GARRE1: variants seen among roughly 807,000 people sequenced by gnomAD.
GARRE1 encodes the protein granule associated Rac and RHOG effector 1.
GARRE1 carries 49 observed loss-of-function variants against 103.2 expected under a neutral mutation model. That is an observed-to-expected ratio of 0.47 (90% confidence interval 0.38 to 0.60). GARRE1 has a LOEUF of 0.60. Among genes scored for constraint, GARRE1 ranks in the 20% least tolerant of loss-of-function variants. The pLI is 0.00. For synonymous variants in GARRE1, 505 were observed against 532.8 expected, an observed-to-expected ratio of 0.95 and a Z score of 0.72; for missense variants, 1,199 against 1,370.5, an observed-to-expected ratio of 0.87 and a Z score of 1.98.
chr19:34,338,568 T>G (rs976493635), intron 8 of GARRE1, among the ~76,000 whole-genome samples: 3 of 152,050 alleles, frequency 2.0e-5, no homozygotes, highest in Non-Finnish European at 4.4e-5. Flanking sequence ...TTGGTGTAGG[T>G]ACCCTGAATG....
intron 1 of GARRE1, among the ~76,000 whole-genome samples, chr19:34,274,432 A>T (rs992075229): frequency 7.9e-5 from 12 of 152,300 alleles, no homozygotes; most frequent in African/African-American, 2.9e-4. Context: ...TAAGACTGTG[A>T]TTAATTGGAT....
intron 1 of GARRE1, among the ~76,000 whole-genome samples, chr19:34,286,570 G>A (rs1339097912): frequency 2.9e-5 from 4 of 139,084 alleles, no homozygotes; most frequent in African/African-American, 8.2e-5. Context: ...TGGCTCTGTC[G>A]CCCAGGCTGG....
At chr19:34,327,727 A>T in intron 4 of GARRE1, 44 bp from the exon 5 acceptor site, 1 of 1,558,820 alleles carries the variant, frequency 6.4e-7, no homozygotes, top group Non-Finnish European at 8.8e-7. Context: ...GTCATCTTAT[A>T]ATTTGCTTTA....
rs536123446 is a variant in GARRE1 at position 34,355,411 on chromosome 19, T to C, written c.*2456T>C. On this transcript the variant is annotated 3_prime_UTR_variant, in exon 14 of 14. Transcript: ENST00000299505. The stretch of plus-strand genomic sequence containing the variant: ...GTGCATGTGTGAACGTGTGTGTCCT[T>C]TGCATGGTTGGGCGTGGGTGCCTTG... 6.5e-6 allele frequency: 1 copy of C among 152,786 alleles called. No individual in the cohort carries two copies. The highest frequency in any genetic ancestry group is 2.1e-4 in the South Asian group (1 of 4,826). The allele number at this position is 152,786 out of a possible 1,614,324, so 9.5% of individuals were successfully genotyped here.
intron 3 of GARRE1, among the ~76,000 whole-genome samples, chr19:34,325,217 C>G (rs1310275703): frequency 6.6e-6 from 1 of 152,166 alleles, no homozygotes; most frequent in Non-Finnish European, 1.5e-5. Flanking sequence ...TCTCCAGGCT[C>G]AGTTCTAGCT....
intron 1 of GARRE1, among the ~76,000 whole-genome samples, chr19:34,288,749 G>T (rs1023234069): frequency 6.6e-6 from 1 of 152,204 alleles, no homozygotes. Context: ...CTTTTTCTGT[G>T]CTAGGGCAAC....
chr19:34,316,163 T>C (rs2145256380), intron 2 of GARRE1, among the ~76,000 whole-genome samples: 1 of 152,306 alleles, frequency 6.6e-6, no homozygotes, highest in East Asian at 1.9e-4. Context: ...TAAACTTCAG[T>C]GTTATCATCC....
chr19:34,321,516 A>G (rs1267590892), intron 3 of GARRE1, among the ~76,000 whole-genome samples: 1 of 150,498 alleles, frequency 6.6e-6, no homozygotes, highest in African/African-American at 2.4e-5. Flanking sequence ...GTGCAGTGGC[A>G]CGATCTTGGC....
intron 1 of GARRE1, among the ~76,000 whole-genome samples, chr19:34,295,433 A>C (rs1245758333): frequency 6.6e-6 from 1 of 151,944 alleles, no homozygotes; most frequent in African/African-American, 2.4e-5. Flanking sequence ...TTGGTCAGGG[A>C]AAGTCCTTAT....
chr19:34,280,859 A>G (rs2145222085), intron 1 of GARRE1, among the ~76,000 whole-genome samples: 1 of 151,996 alleles, frequency 6.6e-6, no homozygotes, highest in African/African-American at 2.4e-5. Context: ...CATTTCTTTA[A>G]CTAGTTCTGA....
chr19:34,310,803 C>T (rs866935811), intron 2 of GARRE1, among the ~76,000 whole-genome samples: 25 of 152,260 alleles, frequency 1.6e-4, no homozygotes, highest in East Asian at 7.7e-4. Flanking sequence ...CTCCTCTCCC[C>T]GCACCCAGCT....
intron 1 of GARRE1, among the ~76,000 whole-genome samples, chr19:34,280,129 G>A (rs895026364): frequency 5.3e-5 from 8 of 152,090 alleles, no homozygotes; most frequent in African/African-American, 1.4e-4. Context: ...AGCCAGGACC[G>A]AGAGAGAGAA....
At chr19:34,285,945 C>T (rs1386219681) in intron 1 of GARRE1, among the ~76,000 whole-genome samples, 2 of 152,160 alleles carry the variant, frequency 1.3e-5, no homozygotes, top group African/African-American at 4.8e-5. Flanking sequence ...GAACCCCAGG[C>T]GTGACTGTGA....
intron 1 of GARRE1, among the ~76,000 whole-genome samples, chr19:34,261,511 A>T (rs1047136371): frequency 6.6e-6 from 1 of 152,132 alleles, no homozygotes; most frequent in African/African-American, 2.4e-5. Flanking sequence ...AATGACAGAT[A>T]AGCTCTTCCT....
chr19:34,327,411 T>C lies in GARRE1; in HGVS notation c.706-10T>C, dbSNP rs2074116648. 1.2e-6 allele frequency: 2 copies of C among 1,613,872 alleles called. No individual in the cohort carries two copies. Among genetic ancestry groups the C allele is most frequent in the Non-Finnish European group, 1.7e-6 (2 of 1,179,854 alleles). On this transcript the variant is annotated splice_polypyrimidine_tract_variant and intron_variant, in intron 3 of 13. Transcript: ENST00000299505. ...CCTCTTTTACCTACCAGTTACTATA[T>C]ATGTTACAGGCGACATCTAGACTAA...
At chr19:34,305,988 C>T (rs1038877527) in intron 2 of GARRE1, among the ~76,000 whole-genome samples, 9 of 152,182 alleles carry the variant, frequency 5.9e-5, no homozygotes, top group Non-Finnish European at 1.5e-5. Context: ...GATTGCCAAG[C>T]ATAGGCCCGC....
At chr19:34,257,981 C>T (rs2073685765) in intron 1 of GARRE1, among the ~76,000 whole-genome samples, 1 of 151,170 alleles carries the variant, frequency 6.6e-6, no homozygotes, top group African/African-American at 2.4e-5. Context: ...CCTCTGGCTC[C>T]AGGGTTCAAA....
chr19:34,342,542 C>T, intron 10 of GARRE1, 87 bp downstream of exon 10: 1 of 1,220,036 alleles, frequency 8.2e-7, no homozygotes, highest in Non-Finnish European at 1.2e-6. Flanking sequence ...TGCAGCCTTA[C>T]TTGTGAAGGT....
At chr19:34,319,445 A>G (rs540699759) in intron 2 of GARRE1, among the ~76,000 whole-genome samples, 13 of 152,292 alleles carry the variant, frequency 8.5e-5, no homozygotes, top group Admixed American at 3.3e-4. Flanking sequence ...TAACCGGTAT[A>G]TTTGGATTCC....
Sources: gnomAD v4.1 joint callset for allele counts (sites outside exome capture counted in the v4.1 genomes callset) on GRCh38, gnomAD v4.1.1 for gene constraint, MANE v1.5 for transcripts, NCBI Gene and HGNC (gene_info 2026-07-23, HGNC 2026-07-21) for gene names.